Variants in SYTL3 observed in about 807,000 individuals in gnomAD.
The protein encoded by SYTL3 is synaptotagmin-like protein 3.
SYTL3 carries 88 observed loss-of-function variants against 82.1 expected under a neutral mutation model. The observed-to-expected ratio is 1.07, with a 90% CI of 0.90 to 1.28. The LOEUF (loss-of-function observed/expected upper bound fraction) is 1.28. SYTL3 is among the 50% of genes most tolerant of loss of function. SYTL3 has a pLI of 0.00. For synonymous variants in SYTL3, 311 were observed against 289.4 expected (o/e 1.07, Z -0.76); for missense variants, 831 against 757.6 (o/e 1.10, Z -1.14).
rs145256635 is a variant in SYTL3, at chr6:158,662,281, C to G, written c.-519-469C>G. Among the ~76,000 whole-genome samples, 343 of 152,314 alleles carry G rather than the reference C, an allele frequency of 2.3e-3. 1 individual carries two copies. Among genetic ancestry groups the G allele is most frequent in the African/African-American group, 7.8e-3 (325 of 41,566 alleles). ...CTGGATAAAAGGATGTATGCAGAAC[C>G]TTTCAGCTGTCATTAAACAAAAACA... On this transcript the variant is annotated intron_variant, in intron 3 of 17. Coordinates refer to ENST00000611299, the MANE Select transcript of SYTL3 (RefSeq NM_001242394.2).
intron 1 of SYTL3, among the ~76,000 whole-genome samples, chr6:158,650,671 G>A (rs1052524390): frequency 2.0e-5 from 3 of 151,980 alleles, no homozygotes; most frequent in African/African-American, 7.3e-5. Flanking sequence ...GGCTGGGTGC[G>A]GTGGCTCACG....
intron 15 of SYTL3, among the ~76,000 whole-genome samples, chr6:158,761,318 T>TTTTTG (rs1789906792): frequency 6.8e-6 from 1 of 147,026 alleles, no homozygotes; most frequent in Non-Finnish European, 1.5e-5. Context: ...TTTTTTTTTT[T>TTTTTG]TTGAGACAGA....
intron 6 of SYTL3, 131 bp downstream of exon 6, chr6:158,683,120 T>C: frequency 1.6e-6 from 1 of 642,336 alleles, no homozygotes; most frequent in East Asian, 2.8e-5. Flanking sequence ...TGCCATTCCA[T>C]TTGCTGATGC....
chr6:158,695,658 CT>C (rs1460494100), intron 6 of SYTL3, among the ~76,000 whole-genome samples: 1 of 152,172 alleles, frequency 6.6e-6, no homozygotes, highest in Non-Finnish European at 1.5e-5. Context: ...CTTTTTCATT[CT>C]GCTATATTGA....
intron 5 of SYTL3, among the ~76,000 whole-genome samples, chr6:158,680,148 G>C (rs1273847242): frequency 6.6e-6 from 1 of 152,142 alleles, no homozygotes; most frequent in Non-Finnish European, 1.5e-5. Flanking sequence ...GACTGAAGAG[G>C]CATCTTTAGA....
chr6:158,748,845 GA>G (rs11361662), intron 12 of SYTL3, among the ~76,000 whole-genome samples: 42,533 of 138,074 alleles, frequency 0.31, 6,517 homozygotes, highest in African/African-American at 0.43. Flanking sequence ...AACTCCGCCT[GA>G]AAAAAAAAAA....
rs775343316 is a variant in SYTL3 at position 158,708,287 on chromosome 6, CAA to C, written c.447-34_447-33del. 1.0e-5 allele frequency: 16 copies of C among 1,553,998 alleles called. No individual in the cohort carries two copies. The African/African-American group carries it at 2.2e-4, about 21-fold the overall frequency. Reference sequence around the variant, plus strand: ...TAAAACTAACGGCTTGCATGGTTCACAACCCATTTCTTATGCCTGTGTTTTCC... The same window carrying C: ...TAAAACTAACGGCTTGCATGGTTCACCCCATTTCTTATGCCTGTGTTTTCC... On this transcript the variant is annotated intron_variant, in intron 7 of 17. Transcript: ENST00000611299.
At chr6:158,740,089 T>C (rs1333076220) in intron 11 of SYTL3, among the ~76,000 whole-genome samples, 1 of 143,140 alleles carries the variant, frequency 7.0e-6, no homozygotes, top group South Asian at 2.3e-4. Context: ...ATCTGCCTCC[T>C]GGGTTCAAGC....
chr6:158,683,480 A>C (rs1778963356), intron 6 of SYTL3, among the ~76,000 whole-genome samples: 1 of 152,162 alleles, frequency 6.6e-6, no homozygotes, highest in Admixed American at 6.5e-5. Flanking sequence ...CGGCCTCCCA[A>C]GGTGCTGGGA....
chr6:158,723,591 G>A (rs567249732), intron 10 of SYTL3, among the ~76,000 whole-genome samples: 3 of 152,100 alleles, frequency 2.0e-5, no homozygotes, highest in African/African-American at 7.2e-5. Flanking sequence ...ATAGTTCGCG[G>A]CATTGAAAAC....
At chr6:158,742,518 G>T (rs1457757587) in intron 11 of SYTL3, among the ~76,000 whole-genome samples, 3 of 151,792 alleles carry the variant, frequency 2.0e-5, no homozygotes, top group Admixed American at 1.3e-4. Context: ...CCTGTGATAA[G>T]CCTGAAGGCC....
chr6:158,651,808 A>C lies in SYTL3; in HGVS notation c.-671A>C, dbSNP rs1788052237. The stretch of plus-strand genomic sequence containing the variant: ...CAGCGGTGAATTGCAGTGATCTTTC[A>C]GAGAAAGCGCCTGTTCAACTTTGTC... On this transcript the variant is annotated 5_prime_UTR_variant, in exon 2 of 18. Transcript: ENST00000611299. 6.6e-6 allele frequency: 1 copy of C among 152,004 alleles called. No individual in the cohort carries two copies. The highest frequency in any genetic ancestry group is 2.4e-5 in the African/African-American group (1 of 41,442). 9.4% of individuals were successfully genotyped at this position (152,004 alleles called of 1,614,324 possible).
At chr6:158,749,240 A>AT in intron 12 of SYTL3, among the ~76,000 whole-genome samples, 1 of 112,754 alleles carries the variant, frequency 8.9e-6, no homozygotes, top group African/African-American at 3.5e-5. Context: ...ATAATAAATA[A>AT]AAATTAGCCA....
chr6:158,691,237 C>T (rs1305423489), intron 6 of SYTL3, among the ~76,000 whole-genome samples: 3 of 151,938 alleles, frequency 2.0e-5, no homozygotes, highest in African/African-American at 7.3e-5. Flanking sequence ...ATCCCAGCTG[C>T]TCGGGGGGTT....
chr6:158,695,776 T>C lies in SYTL3; in HGVS notation c.395-11454T>C, dbSNP rs561537091. Among the ~76,000 whole-genome samples the C allele has an allele frequency of 2.6e-4, 39 of 152,358 alleles. No individual in the cohort carries two copies. In the South Asian group the frequency reaches 3.9e-3, roughly 15 times the overall value. ...ACCACATATAAGTGGAATCATAATG[T>C]ATTTGTTCTTTTGTATCTGGCTTAT... On this transcript the variant is annotated intron_variant, in intron 6 of 17. Transcript: ENST00000611299.
At chr6:158,670,612 T>C (rs975322531) in intron 5 of SYTL3, among the ~76,000 whole-genome samples, 3 of 151,382 alleles carry the variant, frequency 2.0e-5, no homozygotes, top group Admixed American at 6.6e-5. Flanking sequence ...TGAAACCCCA[T>C]ATCTACTGAA....
In SYTL3 at chr6:158,692,943, T is replaced by C. The variant is rs1780070379; in HGVS notation, c.394+9954T>C. ...TCCAGCCTGGGCGACAGAGCGAGAC[T>C]CCGTCTCAAAAAAAAGAAAAAAAAA... On this transcript the variant is annotated intron_variant, in intron 6 of 17. Transcript: ENST00000611299. Among the ~76,000 whole-genome samples the C allele has an allele frequency of 2.7e-5, 4 of 147,960 alleles. No homozygotes were observed. The South Asian group carries it at 8.5e-4, about 31-fold the overall frequency.
chr6:158,760,336 G>A (rs986657519), intron 14 of SYTL3, among the ~76,000 whole-genome samples: 2 of 152,208 alleles, frequency 1.3e-5, no homozygotes, highest in Admixed American at 6.5e-5. Context: ...GCTGTGTCTG[G>A]GTTTTCGTAG....
chr6:158,674,321 C>T (rs945494034), intron 5 of SYTL3, among the ~76,000 whole-genome samples: 7 of 152,070 alleles, frequency 4.6e-5, no homozygotes, highest in Non-Finnish European at 5.9e-5. Context: ...GTAGTCCCAC[C>T]GTCTCTTCAT....
Sources: allele counts gnomAD v4.1 joint callset (sites outside exome capture counted in the v4.1 genomes callset), GRCh38; gene constraint gnomAD v4.1.1; transcripts MANE v1.5; gene names NCBI Gene and HGNC (gene_info 2026-07-23, HGNC 2026-07-21).